Variants in PDZK1 observed in about 807,000 individuals in gnomAD.
PDZK1 encodes Na(+)/H(+) exchange regulatory cofactor NHE-RF3.
PDZK1 carries 23 observed loss-of-function variants against 38.1 expected under a neutral mutation model. That is an observed-to-expected ratio of 0.60 (90% CI 0.43 to 0.85). PDZK1 has a LOEUF of 0.85. Ranked by LOEUF, PDZK1 falls within the 40% of genes least tolerant of loss-of-function variation. The pLI, the probability that PDZK1 is intolerant of heterozygous loss-of-function variation, is 0.00. For missense variants in PDZK1, 297 were observed against 504.3 expected (o/e 0.59, Z 3.94); for synonymous variants, 98 against 186.2 (o/e 0.53, Z 3.86).
At position 145,671,338 on chromosome 1, in the gene PDZK1, A is replaced by G; in HGVS notation, c.*98T>C. 1 of 1,591,044 alleles carries G rather than the reference A, an allele frequency of 6.3e-7. No homozygotes were observed. On this transcript the variant is annotated 3_prime_UTR_variant, in exon 9 of 9. Transcript: ENST00000417171. ...CCAGTGGAGTTTTTCTTCTAAAGAG[A>G]CAGTAAACAGGTCACAACTCATTCC...
At chr1:145,679,070 G>A (rs749472842) in intron 5 of PDZK1, among the ~76,000 whole-genome samples, 2 of 151,714 alleles carry the variant, frequency 1.3e-5, no homozygotes, top group Non-Finnish European at 2.9e-5. Flanking sequence ...AACCCAGGCT[G>A]GCATTTTAGT....
chr1:145,686,233 G>T (rs1280939969), intron 3 of PDZK1, among the ~76,000 whole-genome samples: 1 of 152,128 alleles, frequency 6.6e-6, no homozygotes, highest in Non-Finnish European at 1.5e-5. Context: ...TCAGGGACAG[G>T]AGTACCCAGT....
At chr1:145,706,602 C>A (rs1159726518) in intron 1 of PDZK1, among the ~76,000 whole-genome samples, 2 of 152,176 alleles carry the variant, frequency 1.3e-5, no homozygotes, top group African/African-American at 4.8e-5. Flanking sequence ...AGGTAAGTGT[C>A]ATACTTAAGT....
chr1:145,676,921 GA>G, intron 6 of PDZK1, among the ~76,000 whole-genome samples: 1 of 151,802 alleles, frequency 6.6e-6, no homozygotes, highest in Non-Finnish European at 1.5e-5. Flanking sequence ...TGAACAAATA[GA>G]ACATTTAGAT....
chr1:145,680,960 CT>C lies in PDZK1; in HGVS notation c.744del (p.Gly249GlufsTer9), dbSNP rs1654185035. ...PHQPRIVEMK[K>X]GSNGYGFYLR... ...AGATAGAAACCATAGCCATTGCTTC[CT>C]TTCTTCATCTCCACAATTCGGGGCT... On this transcript the variant is annotated frameshift_variant, in exon 5 of 9. Transcript: ENST00000417171. LOFTEE classifies it high-confidence loss of function. The C allele has an allele frequency of 7.0e-6, 4 of 571,848 alleles. No homozygotes were observed. The highest frequency in any genetic ancestry group is 1.2e-5 in the Non-Finnish European group (4 of 326,998). The allele number at this position is 571,848 out of a possible 1,614,324, so 35.4% of individuals were successfully genotyped here. A position where few individuals can be genotyped will look rare whatever the true frequency, so the allele number is the denominator to read the frequency against.
chr1:145,679,765 TTTTG>T (rs1277613203), intron 5 of PDZK1, among the ~76,000 whole-genome samples: 1 of 152,224 alleles, frequency 6.6e-6, no homozygotes, highest in Non-Finnish European at 1.5e-5. Context: ...ATAGGCTGGT[TTTTG>T]TTCTTCTCCC....
chr1:145,689,302 C>T (rs1333314458), intron 1 of PDZK1, among the ~76,000 whole-genome samples: 2 of 152,180 alleles, frequency 1.3e-5, no homozygotes, highest in African/African-American at 4.8e-5. Context: ...TGGTCTCAAA[C>T]TCCTGGGCTC....
intron 3 of PDZK1, among the ~76,000 whole-genome samples, chr1:145,683,971 C>T (rs1378866846): frequency 3.3e-5 from 5 of 149,548 alleles, no homozygotes; most frequent in East Asian, 4.1e-4. Flanking sequence ...CTCAGCCTCT[C>T]GAGTAGCTGG....
Position 145,686,554 on chromosome 1 carries a change from T to C in PDZK1, c.383A>G (p.Gln128Arg), listed in dbSNP as rs587667264. 6.2e-7 allele frequency: 1 copy of C among 1,611,688 alleles called. No individual in the cohort carries two copies. The highest frequency in any genetic ancestry group is 2.2e-5 in the East Asian group (1 of 44,880). Reference sequence around the variant, plus strand: ...GCAGAGCCGGGGCTGGGTCCAAGTTTGCACACCTCCATTCATCACAGGGGA... The same window carrying C: ...GCAGAGCCGGGGCTGGGTCCAAGTTCGCACACCTCCATTCATCACAGGGGA... ...ILSPVMNGGV[Q>R]TWTQPRLCYL... Residue 128 changes from glutamine to arginine, a missense_variant, in exon 3 of 9, where the codon CAA (glutamine) becomes CGA (arginine). Physicochemically the swap from Gln to Arg is conservative, Grantham distance 43. Transcript: ENST00000417171.
intron 1 of PDZK1, among the ~76,000 whole-genome samples, chr1:145,699,181 T>C (rs888602381): frequency 6.6e-6 from 1 of 152,090 alleles, no homozygotes; most frequent in African/African-American, 2.4e-5. Flanking sequence ...AAGGTTGCAG[T>C]GAGCTGAGAT....
intron 1 of PDZK1, among the ~76,000 whole-genome samples, chr1:145,704,111 GA>G (rs1272000635): frequency 0.44 from 66,674 of 151,920 alleles, 15,196 homozygotes; most frequent in East Asian, 0.63. Flanking sequence ...TTACAGGCGT[GA>G]GCCATCATGC....
chr1:145,687,848 G>A lies in PDZK1; in HGVS notation c.174C>T (p.Ile58=). ...GLQDGDRVLR[I]NGVFVDKEEH... ...CTTCTTTGTCCACAAAGACACCATT[G>A]ATCCTAAGAACTCTGTCTCCATCTT... is the stretch of plus-strand genomic sequence containing the variant. Residue 58 remains isoleucine, a synonymous_variant, in exon 2 of 9, where the codon ATC becomes ATT. Transcript: ENST00000417171. 1.9e-6 allele frequency: 3 copies of A among 1,613,946 alleles called. No homozygotes were observed. The highest frequency in any genetic ancestry group is 2.2e-5 in the South Asian group (2 of 91,074).
intron 1 of PDZK1, among the ~76,000 whole-genome samples, chr1:145,702,953 C>T (rs1559080973): frequency 1.3e-5 from 2 of 152,174 alleles, no homozygotes; most frequent in African/African-American, 4.8e-5. Flanking sequence ...TCCAGCCCTA[C>T]CTCAGGCCCC....
chr1:145,698,300 G>A (rs55679501), intron 1 of PDZK1, among the ~76,000 whole-genome samples: 1 of 152,050 alleles, frequency 6.6e-6, no homozygotes, highest in Non-Finnish European at 1.5e-5. Flanking sequence ...ATTTTCAAGA[G>A]ACTCTGGAAA....
intron 1 of PDZK1, among the ~76,000 whole-genome samples, chr1:145,692,252 G>A (rs75766438): frequency 0.031 from 4,712 of 151,838 alleles, 236 homozygotes; most frequent in African/African-American, 0.11. Context: ...GCCCAAGGCA[G>A]GCCAAGGACT....
intron 1 of PDZK1, among the ~76,000 whole-genome samples, chr1:145,704,836 G>GATT (rs1214834316): frequency 6.6e-6 from 1 of 152,198 alleles, no homozygotes; most frequent in Non-Finnish European, 1.5e-5. Flanking sequence ...ATTCCCATAT[G>GATT]ATTAGACCCT....
chr1:145,693,330 G>A (rs755766003), intron 1 of PDZK1, among the ~76,000 whole-genome samples: 27 of 152,182 alleles, frequency 1.8e-4, no homozygotes, highest in African/African-American at 4.6e-4. Flanking sequence ...TTTAATGCTC[G>A]CAATCACCTT....
At position 145,686,522 on chromosome 1, in the gene PDZK1, C is replaced by T. The variant is rs782407042; in HGVS notation, c.415G>A (p.Val139Met). Reference protein sequence around the residue: ...TWTQPRLCYLVKEGGSYGFSL... With the variant: ...TWTQPRLCYLMKEGGSYGFSL... ...AAGCCATAGCTGCCTCCTTCCTTCA[C>T]GAGATAGCAGAGCCGGGGCTGGGTC... Residue 139 changes from valine to methionine, a missense_variant, in exon 3 of 9, where the codon GTG becomes ATG. Coordinates refer to ENST00000417171, the MANE Select transcript of PDZK1 (RefSeq NM_001201325.2). 26 of 1,611,870 alleles carry T rather than the reference C, an allele frequency of 1.6e-5. No individual in the cohort carries two copies. Among genetic ancestry groups the T allele is most frequent in the Admixed American group, 5.0e-5 (3 of 59,984 alleles).
intron 1 of PDZK1, among the ~76,000 whole-genome samples, chr1:145,690,967 CT>C (rs1553703033): frequency 6.6e-6 from 1 of 152,178 alleles, no homozygotes; most frequent in Non-Finnish European, 1.5e-5. Flanking sequence ...AGGTCAGTTT[CT>C]TTTTTGTCTG....
Sources: gnomAD v4.1 joint callset for allele counts (sites outside exome capture counted in the v4.1 genomes callset) on GRCh38, gnomAD v4.1.1 for gene constraint, MANE v1.5 for transcripts, NCBI Gene and HGNC (gene_info 2026-07-23, HGNC 2026-07-21) for gene names.